Variants in GLRA3 observed in about 807,000 individuals in gnomAD.
GLRA3 encodes glycine receptor alpha 3.
A neutral mutation model predicts 60.4 loss-of-function variants in GLRA3; 44 were observed. The observed-to-expected ratio is 0.73, with a 90% CI of 0.57 to 0.94. The LOEUF is 0.94. GLRA3 is among the 40% of genes least tolerant of loss of function. The pLI is 0.00. For missense variants in GLRA3, 508 were observed against 564.6 expected, an observed-to-expected ratio of 0.90 and a Z score of 1.02; for synonymous variants, 223 against 192.9, an observed-to-expected ratio of 1.16 and a Z score of -1.29.
chr4:174,818,805 GA>G (rs931545619), intron 1 of GLRA3, among the ~76,000 whole-genome samples: 2 of 151,938 alleles, frequency 1.3e-5, no homozygotes, highest in Admixed American at 6.5e-5. Flanking sequence ...GTAGGATACA[GA>G]AAAAAAGAAA....
intron 3 of GLRA3, among the ~76,000 whole-genome samples, chr4:174,751,899 G>A (rs115616304): frequency 4.6e-5 from 7 of 151,858 alleles, no homozygotes; most frequent in African/African-American, 1.2e-4. Flanking sequence ...AAAATTTCAC[G>A]GGGAGGGCAA....
At chr4:174,765,083 G>A (rs1283931953) in intron 3 of GLRA3, among the ~76,000 whole-genome samples, 1 of 152,036 alleles carries the variant, frequency 6.6e-6, no homozygotes, top group Non-Finnish European at 1.5e-5. Flanking sequence ...GAGTATGTAG[G>A]TAAGGAAAGG....
chr4:174,698,023 C>G (rs1735131432), intron 5 of GLRA3, among the ~76,000 whole-genome samples: 1 of 152,066 alleles, frequency 6.6e-6, no homozygotes, highest in Non-Finnish European at 1.5e-5. Context: ...GTTGGAGGTT[C>G]AGATCTGCTC....
chr4:174,806,906 C>T (rs1204194628), intron 1 of GLRA3, among the ~76,000 whole-genome samples: 3 of 151,930 alleles, frequency 2.0e-5, no homozygotes, highest in Non-Finnish European at 4.4e-5. Flanking sequence ...ACTGTATATG[C>T]AATAGATGAA....
In GLRA3 at chr4:174,640,920, C is replaced by T. The variant is rs1316838271; in HGVS notation, c.*2866G>A. 6.6e-6 allele frequency: 1 copy of T among 151,978 alleles called. No individual in the cohort carries two copies. The highest frequency in any genetic ancestry group is 1.5e-5 in the Non-Finnish European group (1 of 67,944). The allele number at this position is 151,978 out of a possible 1,614,324, so 9.4% of individuals were successfully genotyped here. ...AAGGGTTGGAGAAGTTTTAAACACC[C>T]TCAGCTTTCTTGAAAATACAGTGAC... On this transcript the variant is annotated 3_prime_UTR_variant, in exon 10 of 10. Coordinates refer to ENST00000274093, the MANE Select transcript of GLRA3 (RefSeq NM_006529.4).
In GLRA3 at chr4:174,728,581, G is replaced by A. The variant is rs1736411611; in HGVS notation, c.385C>T (p.Pro129Ser). The A allele has an allele frequency of 1.2e-6, 2 of 1,612,686 alleles. No homozygotes were observed. The highest frequency in any genetic ancestry group is 2.7e-5 in the African/African-American group (2 of 75,002). Residue 129 changes from proline to serine, a missense_variant, in exon 4 of 10, where the codon CCT becomes TCT. Physicochemically the swap from Pro to Ser is moderately conservative, Grantham distance 74 (BLOSUM62 -1). Around this residue, in one of 3 missense-constraint regions of GLRA3, gnomAD observed 329 missense variants for 349.3 expected, o/e 0.94. Transcript: ENST00000274093. ...TTTTCATTGGCAAAGAACAAATCAG[G>A]TTTCCAAATGGAGTCCAACATGGAG... ...DPSMLDSIWK[P>S]DLFFANEKGA...
At chr4:174,734,259 A>T (rs1736680424) in intron 3 of GLRA3, among the ~76,000 whole-genome samples, 1 of 152,212 alleles carries the variant, frequency 6.6e-6, no homozygotes, top group Admixed American at 6.5e-5. Context: ...ACAGTTCTGA[A>T]GTGCTGTACA....
intron 5 of GLRA3, among the ~76,000 whole-genome samples, chr4:174,688,318 CATATATAT>C (rs553159490): frequency 0.085 from 2,898 of 34,114 alleles, 121 homozygotes; most frequent in African/African-American, 0.09. Context: ...TACCTGACAT[CATATATAT>C]ATATATATAT....
intron 5 of GLRA3, among the ~76,000 whole-genome samples, chr4:174,688,872 C>T (rs66469312): frequency 0.43 from 64,465 of 151,608 alleles, 14,204 homozygotes; most frequent in Middle Eastern, 0.54. Context: ...TCTTAGAGAA[C>T]GCTTAGGAAG....
chr4:174,802,370 T>A (rs906351696), intron 1 of GLRA3, among the ~76,000 whole-genome samples: 4 of 152,006 alleles, frequency 2.6e-5, no homozygotes, highest in African/African-American at 9.7e-5. Flanking sequence ...CCAGATAGTA[T>A]CAAGGAACTG....
At chr4:174,822,732 T>A (rs969611171) in intron 1 of GLRA3, among the ~76,000 whole-genome samples, 1 of 152,214 alleles carries the variant, frequency 6.6e-6, no homozygotes, top group Admixed American at 6.5e-5. Flanking sequence ...TGTTTGTATG[T>A]ACTCATGGAG....
intron 5 of GLRA3, among the ~76,000 whole-genome samples, chr4:174,711,450 T>A (rs35061527): frequency 0.16 from 23,158 of 146,132 alleles, 2,027 homozygotes; most frequent in East Asian, 0.32. Flanking sequence ...TATATATTTT[T>A]TTTTTTTTTA....
intron 7 of GLRA3, among the ~76,000 whole-genome samples, chr4:174,671,807 G>A (rs1733918414): frequency 6.6e-6 from 1 of 151,928 alleles, no homozygotes; most frequent in African/African-American, 2.4e-5. Flanking sequence ...CCGCCACCAC[G>A]CCCAGCTAAT....
chr4:174,733,812 G>A (rs781054245), intron 3 of GLRA3, among the ~76,000 whole-genome samples: 1 of 152,126 alleles, frequency 6.6e-6, no homozygotes. Context: ...TCTAGGACCC[G>A]TGAGTATAAT....
Position 174,656,745 on chromosome 4 carries a change from T to A in GLRA3, c.1114A>T (p.Met372Leu). Residue 372 changes from methionine (M) to leucine (L), a missense_variant and splice_region_variant, in exon 9 of 10, where the codon ATG becomes TTG. Around this residue, in one of 3 missense-constraint regions of GLRA3, gnomAD observed 176 missense variants for 197.9 expected, o/e 0.89. Transcript: ENST00000274093. ...TAGAGTTAAGAAAGTCAATTTACCA[T>A]ATCTGAGAAACGGTAAAACTTCTCC... The part of the protein sequence containing the change: ...ALEKFYRFSD[M>L]DDEVRESRFS... 3 of 1,551,110 alleles carry A rather than the reference T, an allele frequency of 1.9e-6. No homozygotes were observed. The highest frequency in any genetic ancestry group is 1.8e-6 in the Non-Finnish European group (2 of 1,123,018).
intron 4 of GLRA3, among the ~76,000 whole-genome samples, chr4:174,718,190 T>C (rs1735996437): frequency 6.6e-6 from 1 of 152,228 alleles, no homozygotes; most frequent in African/African-American, 2.4e-5. Context: ...CACAGCATAC[T>C]GAAAAATACG....
At chr4:174,689,645 C>T (rs1233209554) in intron 5 of GLRA3, among the ~76,000 whole-genome samples, 1 of 150,712 alleles carries the variant, frequency 6.6e-6, no homozygotes, top group African/African-American at 2.4e-5. Flanking sequence ...CAGCACTATC[C>T]ACCGTAGCAA....
At chr4:174,666,739 AATAT>A (rs1206177926) in intron 7 of GLRA3, among the ~76,000 whole-genome samples, 1,567 of 134,118 alleles carry the variant, frequency 0.012, 31 homozygotes, top group African/African-American at 0.035. Context: ...CTCAAATAAG[AATAT>A]ATATATATAT....
intron 7 of GLRA3, among the ~76,000 whole-genome samples, chr4:174,669,133 T>G (rs961444521): frequency 1.3e-5 from 2 of 152,020 alleles, no homozygotes; most frequent in South Asian, 4.1e-4. Flanking sequence ...ATTTTTAAAA[T>G]ACAAATTTGT....
Sources: gnomAD v4.1 joint callset for allele counts (sites outside exome capture counted in the v4.1 genomes callset) on GRCh38, gnomAD v4.1.1 for gene constraint, gnomAD v4.1.1 regional missense constraint, MANE v1.5 for transcripts, NCBI Gene and HGNC (gene_info 2026-07-23, HGNC 2026-07-21) for gene names.